The following NEK6 variants were observed in gnomAD, a reference collection of about 807,000 sequenced individuals.
The protein encoded by NEK6 is serine/threonine-protein kinase Nek6.
Under a neutral mutation model 43.5 loss-of-function variants are expected in NEK6, and 27 were observed. The ratio of observed to expected loss-of-function variants is 0.62; its 90% confidence interval spans 0.46 to 0.86. The LOEUF is 0.86. Ranked by LOEUF, NEK6 falls within the 40% of genes least tolerant of loss-of-function variation. The pLI is 0.00. For synonymous variants in NEK6, 167 were observed against 164.1 expected (o/e 1.02, Z -0.14); for missense variants, 318 against 414.4 (o/e 0.77, Z 2.02).
At chr9:124,349,421 G>A (rs1830130897) in intron 9 of NEK6, among the ~76,000 whole-genome samples, 1 of 152,274 alleles carries the variant, frequency 6.6e-6, no homozygotes, top group South Asian at 2.1e-4. Context: ...CAGTGATGAG[G>A]CTGAAATGAA....
At position 124,350,998 on chromosome 9, in the gene NEK6, AGTC is replaced by A. The variant is rs1830248024; in HGVS notation, c.*55_*57del. ...AGCCAGCACCACTTTGCCTTACTTG[AGTC>A]GTCTTCTCTTCGAGTGGCCACCTGG... On this transcript the variant is annotated 3_prime_UTR_variant, in exon 10 of 10. Coordinates refer to ENST00000320246, the MANE Select transcript of NEK6 (RefSeq NM_014397.6). The A allele has an allele frequency of 2.2e-6, 3 of 1,360,224 alleles. No individual in the cohort carries two copies. Among genetic ancestry groups the A allele is most frequent in the African/African-American group, 1.4e-5 (1 of 70,132 alleles). 84.3% of individuals were successfully genotyped at this position (1,360,224 alleles called of 1,614,324 possible).
At chr9:124,327,614 G>A (rs997169518) in intron 7 of NEK6, among the ~76,000 whole-genome samples, 169 bp downstream of exon 7, 6 of 152,226 alleles carry the variant, frequency 3.9e-5, no homozygotes, top group Admixed American at 3.3e-4. Flanking sequence ...AAGGGAATCA[G>A]CTGTGGCCAG....
intron 1 of NEK6, among the ~76,000 whole-genome samples, chr9:124,287,546 C>G (rs1402526309): frequency 6.6e-6 from 1 of 152,190 alleles, no homozygotes; most frequent in Non-Finnish European, 1.5e-5. Flanking sequence ...CTGACCAGGC[C>G]AGATGCGGTG....
At chr9:124,280,645 GA>G (rs1458400369) in intron 1 of NEK6, among the ~76,000 whole-genome samples, 1 of 152,208 alleles carries the variant, frequency 6.6e-6, no homozygotes, top group Non-Finnish European at 1.5e-5. Context: ...CACATGTTTG[GA>G]AAGCTATTCC....
At position 124,326,407 on chromosome 9, in the gene NEK6, G is replaced by A. The variant is rs201692889; in HGVS notation, c.483G>A (p.Glu161=). Residue 161 remains glutamate (E), a synonymous_variant, in exon 6 of 10, where the codon GAG becomes GAA. Coordinates refer to ENST00000320246, the MANE Select transcript of NEK6 (RefSeq NM_014397.6). This position sits in a 1 kb window ranked among gnomAD's most constrained non-coding sequence, Gnocchi z 4.5. ...TTGTGCAGCTGTGCAGCGCCGTGGA[G>A]CACATGCATTCACGCCGGGTGATGC... ...KYFVQLCSAV[E]HMHSRRVMHR... 13 of 1,610,354 alleles carry A rather than the reference G, an allele frequency of 8.1e-6. No individual in the cohort carries two copies. The highest frequency in any genetic ancestry group is 2.2e-5 in the East Asian group (1 of 44,872).
At chr9:124,258,468 C>A in intron 1 of NEK6, 1 of 451,124 alleles carries the variant, frequency 2.2e-6, no homozygotes, top group East Asian at 1.5e-4. Context: ...GTGCGGGTCT[C>A]AGGGAGTGTG....
Position 124,326,530 on chromosome 9 carries a change from C to T in NEK6, c.514+92C>T. 2 of 961,004 alleles carry T rather than the reference C, an allele frequency of 2.1e-6. No individual in the cohort carries two copies. Among genetic ancestry groups the T allele is most frequent in the Non-Finnish European group, 3.3e-6 (2 of 611,384 alleles). 59.5% of individuals were successfully genotyped at this position (961,004 alleles called of 1,614,324 possible). On this transcript the variant is annotated intron_variant, in intron 6 of 9. Transcript: ENST00000320246. The surrounding 1 kb of genome is among the most constrained non-coding windows in gnomAD (Gnocchi z 4.5). ...CCTCCAGGGTCCTCAGGGGCAGCCCCTTGAGGAAGTTGGACCGCTCTGTAT... is the reference window on the plus strand; with the variant it reads ...CCTCCAGGGTCCTCAGGGGCAGCCCTTTGAGGAAGTTGGACCGCTCTGTAT...
chr9:124,293,018 G>A, intron 1 of NEK6: 1 of 1,533,866 alleles, frequency 6.5e-7, no homozygotes, highest in Admixed American at 2.0e-5. Context: ...CTCGAGGTGA[G>A]AGCAAGATCA....
Position 124,339,565 on chromosome 9 carries a change from T to C in NEK6, c.623-6T>C. 7.5e-6 allele frequency: 12 copies of C among 1,608,818 alleles called. No homozygotes were observed. The highest frequency in any genetic ancestry group is 1.0e-5 in the Non-Finnish European group (12 of 1,175,150). On this transcript the variant is annotated splice_region_variant and splice_polypyrimidine_tract_variant and intron_variant, in intron 7 of 9. Transcript: ENST00000320246. ...ATAAGCAGCCCCGCCCCTTGCTGTGTTGCAGTGGGGACGCCCTACTACATG... is the reference window on the plus strand; with the variant it reads ...ATAAGCAGCCCCGCCCCTTGCTGTGCTGCAGTGGGGACGCCCTACTACATG...
intron 4 of NEK6, among the ~76,000 whole-genome samples, chr9:124,318,427 A>G (rs983681391): frequency 2.0e-5 from 3 of 151,948 alleles, no homozygotes; most frequent in African/African-American, 4.8e-5. Flanking sequence ...TGTAGTGACA[A>G]GGTCTCACTC....
At chr9:124,321,338 C>A in intron 4 of NEK6, 121 bp from the exon 5 acceptor site, 1 of 639,764 alleles carries the variant, frequency 1.6e-6, no homozygotes, top group Non-Finnish European at 2.8e-6. Flanking sequence ...CTGGGACCCA[C>A]TTCTCTAGCA....
intron 9 of NEK6, among the ~76,000 whole-genome samples, chr9:124,348,904 G>A (rs1830104537): frequency 6.6e-6 from 1 of 152,238 alleles, no homozygotes; most frequent in Non-Finnish European, 1.5e-5. Context: ...AAAAAGACCG[G>A]TGAGGCAGGA....
intron 1 of NEK6, among the ~76,000 whole-genome samples, chr9:124,287,217 T>C (rs1427826896): frequency 6.6e-6 from 1 of 152,072 alleles, no homozygotes; most frequent in East Asian, 1.9e-4. Flanking sequence ...GAACCCAGGA[T>C]TGGGGCCCCC....
At chr9:124,325,132 G>A (rs552113266) in intron 5 of NEK6, among the ~76,000 whole-genome samples, 2 of 151,936 alleles carry the variant, frequency 1.3e-5, no homozygotes, top group East Asian at 1.9e-4. Context: ...CTGAGATCAC[G>A]CCACTGCACT....
intron 4 of NEK6, among the ~76,000 whole-genome samples, chr9:124,316,854 C>T (rs1833840147): frequency 6.6e-6 from 1 of 152,236 alleles, no homozygotes; most frequent in Non-Finnish European, 1.5e-5. Flanking sequence ...GGAACCAGCG[C>T]CTCCTTGATG....
intron 2 of NEK6, among the ~76,000 whole-genome samples, chr9:124,310,801 G>T (rs1446861392): frequency 6.6e-6 from 1 of 152,098 alleles, no homozygotes; most frequent in Non-Finnish European, 1.5e-5. Context: ...TGGCCAGGCT[G>T]GTCTCAAACT....
intron 1 of NEK6, among the ~76,000 whole-genome samples, chr9:124,291,397 TCAG>T (rs1391598838): frequency 2.0e-5 from 3 of 152,044 alleles, no homozygotes; most frequent in Admixed American, 2.0e-4. Flanking sequence ...GAGGCCGAGG[TCAG>T]CAGATCACCT....
chr9:124,322,583 T>C (rs369892439), intron 5 of NEK6, among the ~76,000 whole-genome samples: 381 of 152,246 alleles, frequency 2.5e-3, no homozygotes, highest in African/African-American at 8.5e-3. Flanking sequence ...GGCCCAAACC[T>C]TCAGCCCCTA....
Position 124,312,647 on chromosome 9 carries a change from C to G in NEK6, c.229C>G (p.Gln77Glu). ...GAAGACAGTGGCTCTGAAGAAGGTG[C>G]AGGTGAGCTGACAACCCGTGGGGTC... ...DRKTVALKKVQIFEMMDAKAR... is the reference protein window; with the variant it reads ...DRKTVALKKVEIFEMMDAKAR... The change falls in exon 3 of 10, where the codon CAG becomes GAG. Residue 77 changes from glutamine (Q) to glutamate (E), a missense_variant and splice_region_variant. By Grantham distance (29) the Gln-to-Glu change is conservative. This residue lies in a region of NEK6 where 239 missense variants were observed against 344.4 expected (regional missense o/e 0.69). Coordinates refer to ENST00000320246, the MANE Select transcript of NEK6 (RefSeq NM_014397.6). The G allele has an allele frequency of 6.2e-7, 1 of 1,611,778 alleles. No individual in the cohort carries two copies. The highest frequency in any genetic ancestry group is 8.5e-7 in the Non-Finnish European group (1 of 1,178,320).
Sources: gnomAD v4.1 joint callset for allele counts (sites outside exome capture counted in the v4.1 genomes callset) on GRCh38, gnomAD v4.1.1 for gene constraint, gnomAD v4.1.1 regional missense constraint, Gnocchi (gnomAD v3.1) non-coding constraint, MANE v1.5 for transcripts, NCBI Gene and HGNC (gene_info 2026-07-23, HGNC 2026-07-21) for gene names.